The following APOL3 variants were observed in gnomAD, a reference collection of about 807,000 sequenced individuals.
APOL3 encodes TNF-inducible protein CG12-1.
In APOL3, 14 loss-of-function variants were observed where a neutral mutation model predicts 11.6. The observed-to-expected ratio is 1.21, with a 90% CI of 0.80 to 1.89. APOL3 has a LOEUF of 1.89. Among genes scored for constraint, APOL3 ranks in the 40% most tolerant of loss-of-function variants. The pLI, the probability that APOL3 is intolerant of heterozygous loss-of-function variation, is 0.00. For synonymous variants in APOL3, 192 were observed against 190.6 expected (o/e 1.01, Z -0.06); for missense variants, 483 against 492.1 (o/e 0.98, Z 0.17).
chr22:36,157,232 C>A (rs2013045448), intron 1 of APOL3, among the ~76,000 whole-genome samples: 1 of 152,314 alleles, frequency 6.6e-6, no homozygotes, highest in South Asian at 2.1e-4. Context: ...ATGGCCCAGG[C>A]CTGCATCTGG....
At chr22:36,144,534 T>A (rs560780324) in intron 2 of APOL3, among the ~76,000 whole-genome samples, 1 of 152,198 alleles carries the variant, frequency 6.6e-6, no homozygotes, top group African/African-American at 2.4e-5. Flanking sequence ...CACCCCCAGC[T>A]CTGTCCAACT....
intron 1 of APOL3, chr22:36,155,623 C>G (rs917492234): frequency 1.3e-5 from 2 of 156,418 alleles, no homozygotes; most frequent in African/African-American, 2.4e-5. Flanking sequence ...TGTGTGACCC[C>G]CTAGGCCAGG....
chr22:36,162,699 C>T (rs2013764038), upstream of APOL3, among the ~76,000 whole-genome samples: 1 of 152,158 alleles, frequency 6.6e-6, no homozygotes. Flanking sequence ...AGTTAGCCTG[C>T]AATTGTTTGC....
upstream of APOL3, chr22:36,161,000 G>T: frequency 1.0e-6 from 1 of 986,572 alleles, no homozygotes; most frequent in Non-Finnish European, 1.5e-6. Flanking sequence ...TTGGGGGTTT[G>T]CTGTGTCTTC....
chr22:36,145,896 A>G (rs1183571932), intron 1 of APOL3, among the ~76,000 whole-genome samples: 2 of 152,030 alleles, frequency 1.3e-5, no homozygotes, highest in Admixed American at 6.6e-5. Flanking sequence ...GAAAAAAAAG[A>G]GGCAGAAGAT....
intron 1 of APOL3, chr22:36,149,646 A>T (rs538616217): frequency 1.3e-4 from 48 of 359,452 alleles, no homozygotes; most frequent in South Asian, 9.5e-4. Context: ...AGAAACCTCA[A>T]ATGTTAAGCA....
intron 1 of APOL3, among the ~76,000 whole-genome samples, chr22:36,145,886 G>GA (rs1026756802): frequency 1.3e-5 from 2 of 151,448 alleles, no homozygotes; most frequent in African/African-American, 2.4e-5. Context: ...CTAGTTAAAA[G>GA]AAAAAAAAGA....
chr22:36,156,759 C>A, intron 1 of APOL3: 1 of 333,806 alleles, frequency 3.0e-6, no homozygotes, highest in Non-Finnish European at 6.0e-6. Context: ...CTCTGTGTGG[C>A]TCTTTGGGCC....
chr22:36,159,266 T>A (rs1206452584), intron 1 of APOL3: 3 of 152,070 alleles, frequency 2.0e-5, no homozygotes, highest in Non-Finnish European at 4.4e-5. Context: ...TCACCCCAGA[T>A]GGGGTCAGCA....
intron 1 of APOL3, among the ~76,000 whole-genome samples, chr22:36,148,723 A>T (rs1413650146): frequency 6.6e-6 from 1 of 152,072 alleles, no homozygotes; most frequent in Non-Finnish European, 1.5e-5. Context: ...CACCTCCTGG[A>T]CCCTGCTCTC....
intron 1 of APOL3, 52 bp downstream of exon 2, chr22:36,148,994 C>T (rs2060326256): frequency 3.7e-6 from 5 of 1,360,786 alleles, no homozygotes; most frequent in Non-Finnish European, 4.9e-6. Context: ...CGCCACCCTC[C>T]ATTCTAGGTG....
At chr22:36,141,155 G>A in exon 3 of APOL3, 1 of 1,571,838 alleles carries the variant, frequency 6.4e-7, no homozygotes, top group East Asian at 2.2e-5. Context: ...TTTTGTCGTG[G>A]CCTGTGTATG....
At chr22:36,160,788 C>T (rs148885226) in exon 1 of APOL3, 2 of 1,614,144 alleles carry the variant, frequency 1.2e-6, no homozygotes, top group South Asian at 1.1e-5. Flanking sequence ...CTGAGATATA[C>T]CCTGGAACCC....
chr22:36,158,443 G>A (rs143747508), intron 1 of APOL3, among the ~76,000 whole-genome samples: 378 of 152,264 alleles, frequency 2.5e-3, no homozygotes, highest in Admixed American at 4.4e-3. Flanking sequence ...GCCATGCAGC[G>A]TTGTTTCTAT....
intron 1 of APOL3, among the ~76,000 whole-genome samples, chr22:36,146,802 A>G (rs2060238895): frequency 6.6e-6 from 1 of 152,202 alleles, no homozygotes; most frequent in South Asian, 2.1e-4. Flanking sequence ...TATCAGTACA[A>G]AGCATCTTAG....
chr22:36,148,564 A>G (rs2060301977), intron 1 of APOL3, among the ~76,000 whole-genome samples: 1 of 152,198 alleles, frequency 6.6e-6, no homozygotes, highest in African/African-American at 2.4e-5. Flanking sequence ...CACTCTTTTC[A>G]CAGGGCCACT....
At chr22:36,149,865 AC>A (rs1436398478) in intron 1 of APOL3, 2 of 455,904 alleles carry the variant, frequency 4.4e-6, no homozygotes, top group South Asian at 1.5e-5. Flanking sequence ...TGTGCTGGAC[AC>A]CCTTTGTCCC....
chr22:36,158,394 G>A (rs1347155971), intron 1 of APOL3, among the ~76,000 whole-genome samples: 3 of 152,194 alleles, frequency 2.0e-5, no homozygotes, highest in Non-Finnish European at 4.4e-5. Flanking sequence ...CCTCCAGGGA[G>A]CAGAGGGCAA....
chr22:36,158,749 C>T (rs945942179), intron 1 of APOL3, among the ~76,000 whole-genome samples: 14 of 151,988 alleles, frequency 9.2e-5, no homozygotes, highest in Non-Finnish European at 1.3e-4. Flanking sequence ...ACCCAGGAGG[C>T]GGAGGGTGCA....
Sources: allele counts gnomAD v4.1 joint callset (sites outside exome capture counted in the v4.1 genomes callset), GRCh38; gene constraint gnomAD v4.1.1; transcripts MANE v1.5; gene names NCBI Gene and HGNC (gene_info 2026-07-23, HGNC 2026-07-21).